The following STARD13 variants were observed in gnomAD, a reference collection of about 807,000 sequenced individuals.
The protein encoded by STARD13 is StAR related lipid transfer domain containing 13.
Under a neutral mutation model 106.4 loss-of-function variants are expected in STARD13, and 62 were observed. That is an observed-to-expected ratio of 0.58 (90% CI 0.48 to 0.72). The LOEUF (loss-of-function observed/expected upper bound fraction) is 0.72, where lower values mean the gene tolerates loss of function less well. STARD13 is among the 30% of genes least tolerant of loss of function. STARD13 has a pLI of 0.00. For missense variants in STARD13, 1,387 were observed against 1,424.0 expected (o/e 0.97, Z 0.42); for synonymous variants, 565 against 553.0 (o/e 1.02, Z -0.31).
At chr13:33,332,936 T>C (rs1338251414) in intron 1 of STARD13, among the ~76,000 whole-genome samples, 1 of 152,128 alleles carries the variant, frequency 6.6e-6, no homozygotes, top group Non-Finnish European at 1.5e-5. Context: ...AATGAGAACC[T>C]TGCAATCTTC....
At chr13:33,191,696 T>A (rs909285898) in intron 1 of STARD13, among the ~76,000 whole-genome samples, 3 of 152,234 alleles carry the variant, frequency 2.0e-5, no homozygotes, top group African/African-American at 7.2e-5. Flanking sequence ...CATACTGTGG[T>A]CTCTGACACA....
intron 3 of STARD13, among the ~76,000 whole-genome samples, chr13:33,163,314 C>T (rs1047777965): frequency 4.6e-5 from 7 of 151,704 alleles, no homozygotes; most frequent in African/African-American, 7.3e-5. Context: ...CAGCTGGGCT[C>T]GGTGGCTCAC....
the STARD13 span, among the ~76,000 whole-genome samples, chr13:33,408,120 C>A: frequency 6.6e-6 from 1 of 152,064 alleles, no homozygotes; most frequent in South Asian, 2.1e-4. Context: ...CAGGTGAATC[C>A]GTGTGATAGC....
chr13:33,550,308 A>G, the STARD13 span, among the ~76,000 whole-genome samples: 1 of 152,226 alleles, frequency 6.6e-6, no homozygotes, highest in Non-Finnish European at 1.5e-5. Flanking sequence ...TTACTCCTTG[A>G]AAACAACAAG....
chr13:33,540,085 C>T, the STARD13 span, among the ~76,000 whole-genome samples: 1 of 152,190 alleles, frequency 6.6e-6, no homozygotes, highest in Non-Finnish European at 1.5e-5. Context: ...AGACCTGTCA[C>T]CCTTTTAAAC....
chr13:33,610,142 C>T, the STARD13 span, among the ~76,000 whole-genome samples: 1 of 151,960 alleles, frequency 6.6e-6, no homozygotes, highest in Admixed American at 6.6e-5. Context: ...TAAAGGATAT[C>T]ATTTACATAA....
the STARD13 span, among the ~76,000 whole-genome samples, chr13:33,461,924 G>C: frequency 6.6e-6 from 1 of 152,084 alleles, no homozygotes; most frequent in Admixed American, 6.5e-5. Context: ...TCTCCACATA[G>C]TTCATTTTGC....
Position 33,130,180 on chromosome 13 carries a change from C to T in STARD13, c.497G>A (p.Gly166Glu), listed in dbSNP as rs1344826975. The T allele has an allele frequency of 6.2e-7, 1 of 1,613,892 alleles. No homozygotes were observed. The highest frequency in any genetic ancestry group is 1.1e-5 in the South Asian group (1 of 91,080). ...VDDLYTLLPR[G>E]DRNGSPGGTG... is the part of the protein sequence containing the mutation. ...GCCTCCCGGTGACCCATTTCTGTCT[C>T]CTCGAGGGAGCAGCGTGTAGAGGTC... Residue 166 changes from glycine to glutamate, a missense_variant, in exon 5 of 14, where the codon GGA (glycine) becomes GAA (glutamate). Transcript: ENST00000336934. This position sits in a 1 kb window ranked among gnomAD's most constrained non-coding sequence, Gnocchi z 4.1.
the STARD13 span, among the ~76,000 whole-genome samples, chr13:33,382,419 G>A: frequency 1.3e-3 from 201 of 152,102 alleles, 2 homozygotes; most frequent in Middle Eastern, 0.014. Context: ...ATCAACTCTC[G>A]GGATGCCATG....
At chr13:33,580,516 C>G in the STARD13 span, among the ~76,000 whole-genome samples, 1 of 152,194 alleles carries the variant, frequency 6.6e-6, no homozygotes, top group Admixed American at 6.5e-5. Flanking sequence ...ACACACAACA[C>G]AGCGTGAACC....
the STARD13 span, among the ~76,000 whole-genome samples, chr13:33,380,260 C>T: frequency 6.6e-6 from 1 of 151,760 alleles, no homozygotes; most frequent in Non-Finnish European, 1.5e-5. Context: ...ACTAAAAATA[C>T]AAAAATTAGC....
At chr13:33,280,770 G>A (rs1458170480) in intron 1 of STARD13, 1 of 152,140 alleles carries the variant, frequency 6.6e-6, no homozygotes, top group Non-Finnish European at 1.5e-5. Flanking sequence ...TTTGTCTTAA[G>A]GTAATACTTG....
At chr13:33,397,232 CT>C in the STARD13 span, among the ~76,000 whole-genome samples, 11 of 151,736 alleles carry the variant, frequency 7.2e-5, no homozygotes, top group Admixed American at 5.2e-4. Flanking sequence ...TTTGGACAAT[CT>C]TTTTTTTTCA....
the STARD13 span, among the ~76,000 whole-genome samples, chr13:33,368,173 A>G: frequency 6.6e-6 from 1 of 151,580 alleles, no homozygotes; most frequent in Admixed American, 6.6e-5. Flanking sequence ...GCCCCCACTA[A>G]CTCTTTGCAA....
the STARD13 span, among the ~76,000 whole-genome samples, chr13:33,468,237 C>A: frequency 6.6e-6 from 1 of 152,120 alleles, no homozygotes; most frequent in Non-Finnish European, 1.5e-5. Context: ...CTCATGCATA[C>A]CTGATTATGA....
chr13:33,399,585 C>A, the STARD13 span, among the ~76,000 whole-genome samples: 1 of 150,156 alleles, frequency 6.7e-6, no homozygotes, highest in Non-Finnish European at 1.5e-5. Flanking sequence ...CCTGTAGTCC[C>A]GGCTACTTGG....
intron 1 of STARD13, among the ~76,000 whole-genome samples, chr13:33,270,794 A>C (rs1891121815): frequency 6.6e-6 from 1 of 152,206 alleles, no homozygotes; most frequent in South Asian, 2.1e-4. Context: ...TCCATGTGTC[A>C]GGTTGTCTTA....
At chr13:33,350,219 C>A in intron 1 of STARD13, 2 of 1,446,456 alleles carry the variant, frequency 1.4e-6, no homozygotes, top group South Asian at 2.9e-5. Context: ...AGGAGGGCGG[C>A]GGGCCCGGGC....
chr13:33,445,065 T>A, the STARD13 span, among the ~76,000 whole-genome samples: 1 of 151,844 alleles, frequency 6.6e-6, no homozygotes, highest in South Asian at 2.1e-4. Flanking sequence ...ATTCAGATAA[T>A]TTTTTTTGGG....
Sources: gnomAD v4.1 joint callset for allele counts (sites outside exome capture counted in the v4.1 genomes callset) on GRCh38, gnomAD v4.1.1 for gene constraint, Gnocchi (gnomAD v3.1) non-coding constraint, MANE v1.5 for transcripts, NCBI Gene and HGNC (gene_info 2026-07-23, HGNC 2026-07-21) for gene names.